NTM: variants seen among roughly 807,000 people sequenced by gnomAD.
NTM encodes neurotrimin.
In NTM, 13 loss-of-function variants were observed where a neutral mutation model predicts 42.1. The ratio of observed to expected loss-of-function variants is 0.31; its 90% CI spans 0.20 to 0.49. The LOEUF (loss-of-function observed/expected upper bound fraction) is 0.49. Ranked by LOEUF, NTM falls within the 20% of genes least tolerant of loss-of-function variation. NTM has a pLI of 0.99. For synonymous variants in NTM, 187 were observed against 179.2 expected, an observed-to-expected ratio of 1.04 and a Z score of -0.35; for missense variants, 373 against 452.8, an observed-to-expected ratio of 0.82 and a Z score of 1.60.
chr11:131,862,417 T>A (rs1032681498), intron 1 of NTM, among the ~76,000 whole-genome samples: 1 of 152,216 alleles, frequency 6.6e-6, no homozygotes, highest in African/African-American at 2.4e-5. Context: ...CAGGAGTCCA[T>A]GTTTCAGGTG....
intron 2 of NTM, among the ~76,000 whole-genome samples, chr11:132,120,918 G>A (rs1378766975): frequency 9.9e-5 from 15 of 152,130 alleles, no homozygotes; most frequent in East Asian, 1.9e-4. Context: ...TGGGGAGTGC[G>A]TGTGTGTGTA....
chr11:131,456,200 G>C (rs1320874726), intron 1 of NTM, among the ~76,000 whole-genome samples: 1 of 152,182 alleles, frequency 6.6e-6, no homozygotes, highest in African/African-American at 2.4e-5. Flanking sequence ...AGGTAAAACT[G>C]GTCTCAGAGT....
chr11:132,057,458 T>C (rs1220499673), intron 2 of NTM, among the ~76,000 whole-genome samples: 1 of 152,234 alleles, frequency 6.6e-6, no homozygotes, highest in East Asian at 1.9e-4. Context: ...GTCCTTTCAG[T>C]TGCCTAGTTT....
intron 2 of NTM, among the ~76,000 whole-genome samples, chr11:132,117,568 C>T (rs189208958): frequency 2.6e-5 from 4 of 152,242 alleles, no homozygotes; most frequent in Admixed American, 6.5e-5. Flanking sequence ...GCAGACCAAC[C>T]GGGCCCTTTG....
intron 1 of NTM, among the ~76,000 whole-genome samples, chr11:131,469,639 G>C (rs747569533): frequency 2.0e-5 from 3 of 152,216 alleles, no homozygotes; most frequent in African/African-American, 4.8e-5. Context: ...TAATGATAGG[G>C]TGGGTTTAGG....
At chr11:131,960,890 G>A (rs1268726438) in intron 2 of NTM, among the ~76,000 whole-genome samples, 3 of 152,156 alleles carry the variant, frequency 2.0e-5, no homozygotes, top group Non-Finnish European at 4.4e-5. Flanking sequence ...AGGTGCAGGA[G>A]GGTCAATATT....
chr11:131,966,916 G>C (rs2062909372), intron 2 of NTM, among the ~76,000 whole-genome samples: 1 of 152,186 alleles, frequency 6.6e-6, no homozygotes, highest in South Asian at 2.1e-4. Flanking sequence ...CCCAGGGTCA[G>C]ATTGTGAATA....
intron 1 of NTM, among the ~76,000 whole-genome samples, chr11:131,773,240 A>G (rs2086415054): frequency 6.6e-6 from 1 of 152,146 alleles, no homozygotes; most frequent in Admixed American, 6.5e-5. Context: ...CACATGGTGT[A>G]AGGGATGGTG....
chr11:131,418,301 C>T (rs78360896), intron 1 of NTM, among the ~76,000 whole-genome samples: 5,619 of 152,294 alleles, frequency 0.037, 149 homozygotes, highest in Non-Finnish European at 0.051. Context: ...CTTGCTGCAT[C>T]CCAAAGGCAG....
rs112034711 is a variant in NTM at position 132,097,127 on chromosome 11, C to T, written c.168-49155C>T. ...ACCAATGTTCCTGTAAATGGAATTCCTGAGAATTTAGGTTACAGAGAGGCT... is the reference window on the plus strand; with the variant it reads ...ACCAATGTTCCTGTAAATGGAATTCTTGAGAATTTAGGTTACAGAGAGGCT... On this transcript the variant is annotated intron_variant, in intron 2 of 8. Coordinates refer to ENST00000683400, the MANE Select transcript of NTM (RefSeq NM_001352005.2). Among the ~76,000 whole-genome samples the T allele has an allele frequency of 1.5e-4, 23 of 152,316 alleles. 1 individual carries two copies. The highest frequency in any genetic ancestry group is 5.1e-4 in the African/African-American group (21 of 41,556).
At chr11:131,418,973 A>G (rs1175274208) in intron 1 of NTM, among the ~76,000 whole-genome samples, 1 of 152,130 alleles carries the variant, frequency 6.6e-6, no homozygotes, top group African/African-American at 2.4e-5. Flanking sequence ...CAAGGTACGC[A>G]CTTACAAGAC....
At chr11:131,441,279 C>T (rs894392596) in intron 1 of NTM, among the ~76,000 whole-genome samples, 3 of 152,208 alleles carry the variant, frequency 2.0e-5, no homozygotes, top group Non-Finnish European at 4.4e-5. Context: ...GCAAAGCACT[C>T]TCATTTCTAT....
At chr11:131,883,142 AT>A (rs1477496317) in intron 1 of NTM, among the ~76,000 whole-genome samples, 13 of 152,210 alleles carry the variant, frequency 8.5e-5, no homozygotes, top group South Asian at 4.2e-4. Flanking sequence ...AAAATCAAAG[AT>A]TTTTTTCTTG....
At chr11:131,992,311 C>T (rs1342247937) in intron 2 of NTM, among the ~76,000 whole-genome samples, 1 of 152,068 alleles carries the variant, frequency 6.6e-6, no homozygotes, top group East Asian at 1.9e-4. Flanking sequence ...ATACATATAA[C>T]ATGCAAAATA....
intron 2 of NTM, among the ~76,000 whole-genome samples, chr11:132,004,026 T>C (rs2070106607): frequency 6.6e-6 from 1 of 152,202 alleles, no homozygotes; most frequent in Non-Finnish European, 1.5e-5. Flanking sequence ...TTGATTGCTG[T>C]GGTCCCAGTC....
At chr11:131,591,742 A>G (rs1235014812) in intron 1 of NTM, among the ~76,000 whole-genome samples, 1 of 152,188 alleles carries the variant, frequency 6.6e-6, no homozygotes, top group East Asian at 1.9e-4. Context: ...CATCACAGCC[A>G]CTGGGAAAAT....
chr11:131,382,052 T>C (rs916865218), intron 1 of NTM, among the ~76,000 whole-genome samples: 2 of 152,194 alleles, frequency 1.3e-5, no homozygotes, highest in Non-Finnish European at 2.9e-5. Flanking sequence ...TCTTTTGAAA[T>C]AGTACTCTAA....
At chr11:132,017,981 C>A (rs1482882391) in intron 2 of NTM, among the ~76,000 whole-genome samples, 1 of 151,972 alleles carries the variant, frequency 6.6e-6, no homozygotes, top group Admixed American at 6.6e-5. Context: ...TTTCCTGAAA[C>A]CTTGCTAAAT....
At chr11:131,875,220 T>C (rs2137153585) in intron 1 of NTM, among the ~76,000 whole-genome samples, 1 of 152,380 alleles carries the variant, frequency 6.6e-6, no homozygotes. Flanking sequence ...TCTGGTTTAT[T>C]GGTTTTATAC....
Sources: gnomAD v4.1 joint callset for allele counts (sites outside exome capture counted in the v4.1 genomes callset) on GRCh38, gnomAD v4.1.1 for gene constraint, MANE v1.5 for transcripts, NCBI Gene and HGNC (gene_info 2026-07-23, HGNC 2026-07-21) for gene names.